Variants in NUDT3 observed in about 807,000 individuals in gnomAD.
NUDT3 encodes diphosphoinositol polyphosphate phosphohydrolase 1.
In NUDT3, 9 loss-of-function variants were observed where a neutral mutation model predicts 23.6. The ratio of observed to expected loss-of-function variants is 0.38; its 90% CI spans 0.23 to 0.66. The LOEUF (loss-of-function observed/expected upper bound fraction) is 0.66, where lower values mean the gene tolerates loss of function less well. Among genes scored for constraint, NUDT3 ranks in the 30% least tolerant of loss-of-function variants. NUDT3 has a pLI of 0.52. For missense variants in NUDT3, 172 were observed against 218.5 expected (o/e 0.79, Z 1.34); for synonymous variants, 86 against 82.6 (o/e 1.04, Z -0.22).
chr6:34,366,960 T>A (rs1415031927), intron 1 of NUDT3, among the ~76,000 whole-genome samples: 3 of 151,918 alleles, frequency 2.0e-5, no homozygotes, highest in Non-Finnish European at 4.4e-5. Flanking sequence ...TGGCACAATC[T>A]CAGCTCACTG....
intron 2 of NUDT3, among the ~76,000 whole-genome samples, chr6:34,334,123 C>A (rs1764170189): frequency 6.6e-6 from 1 of 152,188 alleles, no homozygotes. Flanking sequence ...CACTGTGACC[C>A]AAGTTTCCAG....
chr6:34,296,785 A>C (rs1763506219), intron 2 of NUDT3, among the ~76,000 whole-genome samples: 1 of 152,112 alleles, frequency 6.6e-6, no homozygotes, highest in Admixed American at 6.6e-5. Flanking sequence ...GGTGGAAGAG[A>C]GTTTGGCACC....
At chr6:34,322,699 G>A (rs1259211591) in intron 2 of NUDT3, among the ~76,000 whole-genome samples, 1 of 152,144 alleles carries the variant, frequency 6.6e-6, no homozygotes, top group Non-Finnish European at 1.5e-5. Context: ...TGATAACTGG[G>A]GACATTTGAA....
At chr6:34,318,178 A>G (rs1324186475) in intron 2 of NUDT3, among the ~76,000 whole-genome samples, 7 of 152,212 alleles carry the variant, frequency 4.6e-5, no homozygotes, top group Non-Finnish European at 1.0e-4. Context: ...AAGCTCAAAT[A>G]TATCCCTTTA....
intron 1 of NUDT3, among the ~76,000 whole-genome samples, chr6:34,379,539 G>A (rs1302075309): frequency 2.0e-5 from 3 of 151,574 alleles, no homozygotes; most frequent in Non-Finnish European, 4.4e-5. Context: ...AAGCCTGGGC[G>A]ACAGAGAGAG....
At chr6:34,310,754 C>A (rs1435460295) in intron 2 of NUDT3, among the ~76,000 whole-genome samples, 1 of 152,054 alleles carries the variant, frequency 6.6e-6, no homozygotes. Flanking sequence ...AACTACAGAC[C>A]AATATCTTGT....
chr6:34,383,610 T>C (rs80260176), intron 1 of NUDT3, among the ~76,000 whole-genome samples: 4,150 of 152,322 alleles, frequency 0.027, 158 homozygotes, highest in African/African-American at 0.085. Flanking sequence ...ATTGTATTCC[T>C]GAACAAGGGC....
intron 2 of NUDT3, among the ~76,000 whole-genome samples, chr6:34,333,271 C>A (rs911391710): frequency 4.6e-5 from 7 of 152,168 alleles, no homozygotes; most frequent in African/African-American, 1.7e-4. Context: ...GAAATTCAGC[C>A]AATATGCTAA....
At chr6:34,357,200 C>T (rs755836081) in intron 1 of NUDT3, among the ~76,000 whole-genome samples, 3 of 152,040 alleles carry the variant, frequency 2.0e-5, no homozygotes, top group East Asian at 1.9e-4. Flanking sequence ...GGAGTGATTA[C>T]GAATATACAT....
intron 1 of NUDT3, among the ~76,000 whole-genome samples, chr6:34,366,538 G>C (rs1464208191): frequency 7.6e-5 from 11 of 144,070 alleles, no homozygotes. Context: ...CAGGGGCAGA[G>C]AGGAGGCCAG....
At chr6:34,315,230 C>T (rs150366012) in intron 2 of NUDT3, among the ~76,000 whole-genome samples, 1 of 152,174 alleles carries the variant, frequency 6.6e-6, no homozygotes, top group East Asian at 1.9e-4. Context: ...TTCTGGTTCT[C>T]TTATTACCTG....
At chr6:34,297,719 A>T (rs1422215493) in intron 2 of NUDT3, among the ~76,000 whole-genome samples, 1 of 42,338 alleles carries the variant, frequency 2.4e-5, no homozygotes, top group Non-Finnish European at 4.3e-5. Context: ...CGGCTAATGT[A>T]AAAAAAAAAA....
intron 1 of NUDT3, among the ~76,000 whole-genome samples, chr6:34,351,198 T>TTAAAAAAAAAAAAA (rs1764462307): frequency 5.6e-5 from 1 of 17,894 alleles, no homozygotes; most frequent in Non-Finnish European, 1.1e-4. Context: ...CTCCCCTGCC[T>TTAAAAAAAAAAAAA]AAAAAAAAAA....
intron 2 of NUDT3, among the ~76,000 whole-genome samples, chr6:34,340,901 G>T (rs1403480503): frequency 6.6e-6 from 1 of 152,202 alleles, no homozygotes; most frequent in Non-Finnish European, 1.5e-5. Context: ...AATTCAGAGT[G>T]AGGAAAGAAT....
intron 1 of NUDT3, among the ~76,000 whole-genome samples, chr6:34,351,198 T>TTAAAAAAAAAAAAAAAAAAAAAAAAAAAA (rs1764462307): frequency 1.7e-4 from 3 of 17,894 alleles, no homozygotes; most frequent in African/African-American, 1.8e-4. Context: ...CTCCCCTGCC[T>TTAAAAAAAAAAAAAAAAAAAAAAAAAAAA]AAAAAAAAAA....
At chr6:34,291,921 G>T (rs575583622) in intron 4 of NUDT3, among the ~76,000 whole-genome samples, 22 of 152,302 alleles carry the variant, frequency 1.4e-4, no homozygotes, top group Non-Finnish European at 2.8e-4. Flanking sequence ...ATTTTAACCA[G>T]TAAGAATAAT....
chr6:34,377,466 C>G (rs1023363668), intron 1 of NUDT3, among the ~76,000 whole-genome samples: 2 of 152,006 alleles, frequency 1.3e-5, no homozygotes, highest in African/African-American at 4.8e-5. Flanking sequence ...CCTTGATACC[C>G]CCAACATTTA....
rs1206690316 is a variant in NUDT3, at chr6:34,392,224, G to A, written c.99+40C>T. 1.3e-5 allele frequency: 19 copies of A among 1,510,498 alleles called. No individual in the cohort carries two copies. The African/African-American group carries it at 1.7e-4, about 13-fold the overall frequency. 93.6% of individuals were successfully genotyped at this position (1,510,498 alleles called of 1,614,324 possible). A position where few individuals can be genotyped will look rare whatever the true frequency, so the allele number is the denominator to read the frequency against. ...CTCGCGCCTCCACCCGAAGGGGCCG[G>A]AGACCCGGCGACCCCGGCCCGCCCA... On this transcript the variant is annotated intron_variant, in intron 1 of 4. Transcript: ENST00000607016.
chr6:34,319,514 A>T (rs565836187), intron 2 of NUDT3, among the ~76,000 whole-genome samples: 1 of 152,306 alleles, frequency 6.6e-6, no homozygotes, highest in East Asian at 1.9e-4. Flanking sequence ...CAGAGCTTCC[A>T]TGGCTTCCCT....
Sources: gnomAD v4.1 joint callset for allele counts (sites outside exome capture counted in the v4.1 genomes callset) on GRCh38, gnomAD v4.1.1 for gene constraint, MANE v1.5 for transcripts, NCBI Gene and HGNC (gene_info 2026-07-23, HGNC 2026-07-21) for gene names.